The following INPP5B variants were observed in gnomAD, a reference collection of about 807,000 sequenced individuals.
INPP5B encodes type II inositol 1,4,5-trisphosphate 5-phosphatase.
INPP5B carries 90 observed loss-of-function variants against 118.5 expected under a neutral mutation model. The observed-to-expected ratio is 0.76, with a 90% CI of 0.64 to 0.90. The LOEUF is 0.90. Ranked by LOEUF, INPP5B falls within the 40% of genes least tolerant of loss-of-function variation. INPP5B has a pLI of 0.00. For synonymous variants in INPP5B, 385 were observed against 418.9 expected (o/e 0.92, Z 0.99); for missense variants, 984 against 1,125.6 (o/e 0.87, Z 1.80).
In INPP5B at chr1:37,873,974, C is replaced by G. The variant is rs760897582; in HGVS notation, c.1951+19G>C. On this transcript the variant is annotated intron_variant, in intron 18 of 23. Coordinates refer to ENST00000373024, the MANE Select transcript of INPP5B (RefSeq NM_005540.3). ...ATTCCCCAAACCAGATACCAGGAAG[C>G]TAGGAACAGAGGCCTTACCTGGCAG... 2 of 1,518,992 alleles carry G rather than the reference C, an allele frequency of 1.3e-6. No individual in the cohort carries two copies. Among genetic ancestry groups the G allele is most frequent in the Non-Finnish European group, 1.8e-6 (2 of 1,120,602 alleles). The allele number at this position is 1,518,992 out of a possible 1,614,324, so 94.1% of individuals were successfully genotyped here.
chr1:37,934,617 T>C (rs952954450), intron 6 of INPP5B, among the ~76,000 whole-genome samples: 1 of 152,174 alleles, frequency 6.6e-6, no homozygotes, highest in Admixed American at 6.6e-5. Flanking sequence ...AGTCTGTCAA[T>C]ACTGAGAGTC....
At chr1:37,896,692 T>C (rs1256444575) in intron 7 of INPP5B, among the ~76,000 whole-genome samples, 1 of 115,028 alleles carries the variant, frequency 8.7e-6, no homozygotes, top group South Asian at 3.2e-4. Context: ...GGAGCCCCTC[T>C]GCCCGGCCAG....
At chr1:37,913,288 T>C (rs1644762082) in intron 7 of INPP5B, among the ~76,000 whole-genome samples, 1 of 152,020 alleles carries the variant, frequency 6.6e-6, no homozygotes, top group South Asian at 2.1e-4. Context: ...CAAAAAACAT[T>C]TTTTAAATGA....
At chr1:37,903,024 C>T (rs1364962616) in intron 7 of INPP5B, among the ~76,000 whole-genome samples, 4 of 151,884 alleles carry the variant, frequency 2.6e-5, no homozygotes, top group African/African-American at 7.3e-5. Context: ...AATCTGGACA[C>T]GTCACTACTG....
chr1:37,943,944 G>T, intron 3 of INPP5B, 51 bp from the exon 4 acceptor site: 1 of 1,370,682 alleles, frequency 7.3e-7, no homozygotes, highest in Non-Finnish European at 1.0e-6. Context: ...CTGTCCCTCA[G>T]CCCTATCTTG....
chr1:37,881,239 G>A (rs1300719426), intron 14 of INPP5B, among the ~76,000 whole-genome samples: 4 of 152,164 alleles, frequency 2.6e-5, no homozygotes, highest in Admixed American at 2.0e-4. Flanking sequence ...TCTGTGCCTT[G>A]GTTTCTCCAT....
At chr1:37,888,206 T>C (rs775493913) in intron 10 of INPP5B, 37 bp downstream of exon 10, 6 of 1,318,326 alleles carry the variant, frequency 4.6e-6, no homozygotes, top group East Asian at 2.7e-5. Context: ...CTCTGTGTGC[T>C]TGAAGATGGA....
intron 7 of INPP5B, among the ~76,000 whole-genome samples, chr1:37,898,474 T>A (rs901759255): frequency 3.3e-5 from 5 of 152,096 alleles, no homozygotes; most frequent in African/African-American, 1.2e-4. Flanking sequence ...GGCGGGTGGA[T>A]CACGAGGTCA....
intron 7 of INPP5B, among the ~76,000 whole-genome samples, chr1:37,910,995 C>T (rs554501695): frequency 1.8e-4 from 27 of 152,200 alleles, no homozygotes; most frequent in Non-Finnish European, 3.7e-4. Context: ...CTCTCCCTAA[C>T]TCATCCCAAC....
chr1:37,918,828 A>AAG (rs1200342403), intron 7 of INPP5B, among the ~76,000 whole-genome samples: 1 of 152,194 alleles, frequency 6.6e-6, no homozygotes, highest in Non-Finnish European at 1.5e-5. Context: ...ACATTCAGGA[A>AAG]CTGTTCCTCT....
chr1:37,935,471 G>C (rs141125174), intron 6 of INPP5B, among the ~76,000 whole-genome samples: 1 of 151,580 alleles, frequency 6.6e-6, no homozygotes, highest in Non-Finnish European at 1.5e-5. Flanking sequence ...GGGATTACAG[G>C]CGTGAGCCAC....
Position 37,940,741 on chromosome 1 carries a change from G to C in INPP5B, c.338C>G (p.Pro113Arg), listed in dbSNP as rs560591705. 10 of 1,614,038 alleles carry C rather than the reference G, an allele frequency of 6.2e-6. No individual in the cohort carries two copies. In the South Asian group the frequency reaches 7.7e-5, roughly 12 times the overall value. ...TAELSLVFQL[P>R]FGSQTRMFLH... Reference sequence around the variant, plus strand: ...GAACATCCTGGTTTGTGAACCAAAGGGCAGTTGGAATACGAGGCTAAGCTC... The same window carrying C: ...GAACATCCTGGTTTGTGAACCAAAGCGCAGTTGGAATACGAGGCTAAGCTC... The change falls in exon 6 of 24, where the codon CCC becomes CGC. Residue 113 changes from proline to arginine, a missense_variant. By Grantham distance (103) the Pro-to-Arg change is moderately radical. This residue lies in a region of INPP5B where 350 missense variants were observed against 334.6 expected (regional missense o/e 1.05). Coordinates refer to ENST00000373024, the MANE Select transcript of INPP5B (RefSeq NM_005540.3).
chr1:37,883,814 G>A, intron 13 of INPP5B: 2 of 985,396 alleles, frequency 2.0e-6, no homozygotes, highest in Non-Finnish European at 2.4e-6. Context: ...AGGACAAGAG[G>A]CGTTAACTCT....
chr1:37,863,584 G>A (rs1641839717), intron 23 of INPP5B, among the ~76,000 whole-genome samples: 1 of 151,612 alleles, frequency 6.6e-6, no homozygotes, highest in African/African-American at 2.4e-5. Flanking sequence ...AGCTACTCAG[G>A]AGGCCGAGGC....
intron 3 of INPP5B, among the ~76,000 whole-genome samples, chr1:37,944,816 G>C (rs553944869): frequency 6.6e-6 from 1 of 151,704 alleles, no homozygotes; most frequent in African/African-American, 2.4e-5. Flanking sequence ...GGGCGGTCTC[G>C]CTATGTTGCC....
At chr1:37,927,635 C>T (rs1327561398) in intron 7 of INPP5B, among the ~76,000 whole-genome samples, 3 of 151,198 alleles carry the variant, frequency 2.0e-5, no homozygotes, top group African/African-American at 4.9e-5. Flanking sequence ...CTCCCAAGTT[C>T]ACGCCATTCT....
intron 16 of INPP5B, among the ~76,000 whole-genome samples, chr1:37,876,107 GTTT>G (rs58127949): frequency 2.5e-5 from 3 of 122,150 alleles, no homozygotes; most frequent in Non-Finnish European, 3.6e-5. Context: ...TCTCAAGTTT[GTTT>G]TTTTTTTTTT....
At chr1:37,865,292 C>G (rs1641961102) in intron 22 of INPP5B, among the ~76,000 whole-genome samples, 1 of 152,164 alleles carries the variant, frequency 6.6e-6, no homozygotes, top group South Asian at 2.1e-4. Context: ...TGTGAACCAC[C>G]AAGCTAGATC....
At chr1:37,920,197 A>C (rs933446866) in intron 7 of INPP5B, among the ~76,000 whole-genome samples, 6 of 152,210 alleles carry the variant, frequency 3.9e-5, no homozygotes, top group African/African-American at 1.4e-4. Flanking sequence ...GCTCTCAACC[A>C]ATAAACTATA....
Sources: allele counts gnomAD v4.1 joint callset (sites outside exome capture counted in the v4.1 genomes callset), GRCh38; gene constraint gnomAD v4.1.1; regional missense constraint gnomAD v4.1.1; transcripts MANE v1.5; gene names NCBI Gene and HGNC (gene_info 2026-07-23, HGNC 2026-07-21).